Variants in CDKL5 observed in about 807,000 individuals in gnomAD.
CDKL5 encodes the protein cyclin-dependent kinase-like 5.
A neutral mutation model predicts 61.7 loss-of-function variants in CDKL5; 8 were observed. The observed-to-expected ratio is 0.13, with a 90% CI of 0.08 to 0.23. CDKL5 has a LOEUF of 0.23. CDKL5 is among the 10% of genes least tolerant of loss of function. CDKL5 has a pLI of 1.00. For synonymous variants in CDKL5, 275 were observed against 272.3 expected (o/e 1.01, Z -0.10); for missense variants, 440 against 734.5 (o/e 0.60, Z 4.63).
intron 1 of CDKL5, among the ~76,000 whole-genome samples, chrX:18,489,379 T>C (rs1384837174): frequency 1.8e-5 from 2 of 110,396 alleles, no homozygotes; most frequent in Non-Finnish European, 3.8e-5. Context: ...CACGCTGGTC[T>C]TGTACTCCTG....
chrX:18,620,293 T>A (rs1027800740), intron 16 of CDKL5, among the ~76,000 whole-genome samples: 2 of 112,296 alleles, frequency 1.8e-5, no homozygotes, highest in Non-Finnish European at 3.8e-5. Context: ...CTCTGGGGAT[T>A]TAAAGATATG....
chrX:18,435,554 C>T (rs56225666), intron 1 of CDKL5, among the ~76,000 whole-genome samples: 1 of 110,723 alleles, frequency 9.0e-6, no homozygotes, highest in Non-Finnish European at 1.9e-5. Flanking sequence ...TAAGTAGGCC[C>T]TGCCCTCAAA....
chrX:18,576,437 C>A (rs1019240406), intron 5 of CDKL5, among the ~76,000 whole-genome samples: 11 of 111,307 alleles, frequency 9.9e-5, no homozygotes, highest in African/African-American at 3.6e-4. Flanking sequence ...GATTCCTATG[C>A]TGTTGTCCAA....
intron 3 of CDKL5, among the ~76,000 whole-genome samples, chrX:18,522,642 G>A (rs1454242584): frequency 9.1e-5 from 10 of 109,338 alleles, no homozygotes; most frequent in Non-Finnish European, 1.7e-4. Context: ...ACCGCACCTC[G>A]CTGCTATTTT....
In CDKL5 at chrX:18,505,577, G is replaced by A. The variant is rs186345017; in HGVS notation, c.-162-1358G>A. Among the ~76,000 whole-genome samples, 454 of 111,799 alleles carry A rather than the reference G, an allele frequency of 4.1e-3. 2 individuals are homozygous for A. The highest frequency in any genetic ancestry group is 0.014 in the African/African-American group (441 of 30,799). On this transcript the variant is annotated intron_variant, in intron 1 of 17. Transcript: ENST00000623535. ...ACCTTGACATTTTAAAAGAATATGG[G>A]CCAATTATTTAGTAAAATGTCCCTC... is the stretch of plus-strand genomic sequence containing the variant.
chrX:18,604,596 C>A lies in CDKL5; in HGVS notation c.1672C>A (p.Arg558Ser). The change falls in exon 12 of 18, where the codon CGT becomes AGT. Residue 558 changes from arginine to serine, a missense_variant. By Grantham distance (110) the Arg-to-Ser change is moderately radical. Around this residue, in one of 2 missense-constraint regions of CDKL5, gnomAD observed 363 missense variants for 516.3 expected, o/e 0.70. Transcript: ENST00000623535. ...NNRNEGTLDS[R>S]RTTTRHSKTM... ...CCGAAATGAGGGAACGCTGGACTCA[C>A]GTCGAACCACAACCAGACATTCTAA... The A allele has an allele frequency of 1.7e-6, 2 of 1,211,907 alleles. No individual in the cohort carries two copies. Among genetic ancestry groups the A allele is most frequent in the Non-Finnish European group, 2.2e-6 (2 of 895,470 alleles).
intron 3 of CDKL5, among the ~76,000 whole-genome samples, chrX:18,536,432 GTTTTTTTTTTTTTT>G (rs746308567): frequency 6.7e-4 from 27 of 40,554 alleles, no homozygotes; most frequent in Non-Finnish European, 8.1e-4. Context: ...TTCAATACAG[GTTTTTTTTTTTTTT>G]TTTTTTTTTT....
At position 18,464,781 on chromosome X, in the gene CDKL5, A is replaced by C. The variant is rs185628982; in HGVS notation, c.-163+39086A>C. ...CCAGGTTCAGGCAATAACAAAGTGC[A>C]TTTTCTTTAGGGAATTTAAAATCAG... is the stretch of plus-strand genomic sequence containing the variant. On this transcript the variant is annotated intron_variant, in intron 1 of 17. Coordinates refer to ENST00000623535, the MANE Select transcript of CDKL5 (RefSeq NM_001323289.2). Among the ~76,000 whole-genome samples, 81 of 111,721 alleles carry C rather than the reference A, an allele frequency of 7.3e-4. No homozygotes were observed. The Admixed American group carries it at 7.3e-3, about 10-fold the overall frequency.
intron 3 of CDKL5, among the ~76,000 whole-genome samples, chrX:18,560,866 A>G (rs1484892744): frequency 1.8e-5 from 2 of 111,512 alleles, no homozygotes; most frequent in Non-Finnish European, 3.8e-5. Context: ...TCCTAACAGT[A>G]TTTAGGCAGA....
chrX:18,650,363 C>A, intron 20 of CDKL5: 1 of 1,172,515 alleles, frequency 8.5e-7, no homozygotes, highest in East Asian at 3.0e-5. Context: ...CGATGCCTGC[C>A]TCCCGGGCCC....
intron 1 of CDKL5, among the ~76,000 whole-genome samples, chrX:18,481,106 G>A (rs1467642903): frequency 7.3e-5 from 8 of 110,192 alleles, no homozygotes; most frequent in Non-Finnish European, 1.1e-4. Flanking sequence ...TGATCCACCC[G>A]CCTCGGCCTC....
chrX:18,500,529 C>T (rs1036783912), intron 1 of CDKL5, among the ~76,000 whole-genome samples: 2 of 111,461 alleles, frequency 1.8e-5, no homozygotes, highest in African/African-American at 6.5e-5. Flanking sequence ...GCTTTGATTG[C>T]TTTGATTTTA....
chrX:18,574,152 G>A (rs1925220881), intron 4 of CDKL5, among the ~76,000 whole-genome samples: 2 of 111,593 alleles, frequency 1.8e-5, no homozygotes, highest in Admixed American at 1.9e-4. Flanking sequence ...TAGGATTCTG[G>A]CCCTTACCCA....
chrX:18,451,316 C>T (rs912172189), intron 1 of CDKL5, among the ~76,000 whole-genome samples: 60 of 110,515 alleles, frequency 5.4e-4, no homozygotes, highest in East Asian at 2.9e-3. Flanking sequence ...CTCAGGCTCC[C>T]GAGTAGCTGG....
At position 18,564,484 on chromosome X, in the gene CDKL5, A is replaced by G. The variant is rs763985235; in HGVS notation, c.107A>G (p.His36Arg). ...GCTTCTTTTCCCTTGCAGGAAACAC[A>G]TGAAATTGTGGCGATCAAGAAATTC... Reference protein sequence around the residue: ...VVLKCRHKETHEIVAIKKFKD... With the variant: ...VVLKCRHKETREIVAIKKFKD... Residue 36 changes from histidine to arginine, a missense_variant, in exon 4 of 18, where the codon CAT becomes CGT. Coordinates refer to ENST00000623535, the MANE Select transcript of CDKL5 (RefSeq NM_001323289.2). The G allele has an allele frequency of 4.3e-6, 5 of 1,154,123 alleles. No individual in the cohort carries two copies. The highest frequency in any genetic ancestry group is 3.6e-5 in the African/African-American group (2 of 55,245).
Position 18,581,753 on chromosome X carries a change from C to CT in CDKL5, c.404-135dup, listed in dbSNP as rs368222814. ...TTATGTACCAGCATAAAATGTGTTA[C>CT]TTTATTTTTGCTGCCACAGTTTTCT... On this transcript the variant is annotated intron_variant, in intron 6 of 17. Transcript: ENST00000623535. The CT allele has an allele frequency of 8.2e-3, 3,385 of 412,813 alleles. 26 individuals are homozygous for CT. Among genetic ancestry groups the CT allele is most frequent in the African/African-American group, 0.037 (1,470 of 39,707 alleles). The allele number at this position is 412,813 out of a possible 1,213,427, so 34.0% of individuals were successfully genotyped here.
intron 3 of CDKL5, among the ~76,000 whole-genome samples, chrX:18,549,682 C>A (rs778102907): frequency 5.4e-5 from 6 of 111,254 alleles, no homozygotes; most frequent in Non-Finnish European, 9.4e-5. Flanking sequence ...GTGGGAAGAA[C>A]AGGCAGAGTT....
intron 1 of CDKL5, among the ~76,000 whole-genome samples, chrX:18,489,407 C>T (rs901514867): frequency 1.8e-5 from 2 of 110,147 alleles, no homozygotes; most frequent in Non-Finnish European, 3.8e-5. Flanking sequence ...GTGATCCTCC[C>T]GCCTCAGCCT....
At chrX:18,648,731 T>G (rs1331490751) in intron 20 of CDKL5, among the ~76,000 whole-genome samples, 3 of 111,984 alleles carry the variant, frequency 2.7e-5, no homozygotes, top group Non-Finnish European at 5.6e-5. Flanking sequence ...TTTTTTCCTG[T>G]TGCCTAGATC....
Sources: gnomAD v4.1 joint callset for allele counts (sites outside exome capture counted in the v4.1 genomes callset) on GRCh38, gnomAD v4.1.1 for gene constraint, gnomAD v4.1.1 regional missense constraint, MANE v1.5 for transcripts, NCBI Gene and HGNC (gene_info 2026-07-23, HGNC 2026-07-21) for gene names.